The following SPRR5 variants were observed in gnomAD, a reference collection of about 807,000 sequenced individuals.
The protein encoded by SPRR5 is small proline rich protein 5.
chr1:152,948,001 C>T lies in SPRR5; in HGVS notation c.-18-536C>T, dbSNP rs556809311. ...GTGTGTGTCGGTACATACATACCTACGTATGCATGCATATTTTAAGTATGT... is the reference window on the plus strand; with the variant it reads ...GTGTGTGTCGGTACATACATACCTATGTATGCATGCATATTTTAAGTATGT... On this transcript the variant is annotated intron_variant, in intron 1 of 1. Coordinates refer to ENST00000636302, the Ensembl canonical transcript of SPRR5. Among the ~76,000 whole-genome samples the T allele has an allele frequency of 3.9e-5, 6 of 152,284 alleles. No homozygotes were observed. The South Asian group carries it at 6.2e-4, about 16-fold the overall frequency.
intron 1 of SPRR5, among the ~76,000 whole-genome samples, chr1:152,947,706 C>T (rs113812695): frequency 0.059 from 9,034 of 152,250 alleles, 341 homozygotes; most frequent in Non-Finnish European, 0.086. Flanking sequence ...CGATGTGGCA[C>T]CATGGAAGGC....
At chr1:152,947,723 C>G (rs544092884) in intron 1 of SPRR5, among the ~76,000 whole-genome samples, 45 of 152,298 alleles carry the variant, frequency 3.0e-4, no homozygotes, top group African/African-American at 1.1e-3. Flanking sequence ...AGGCTCTGCT[C>G]TGGGAATCAG....
chr1:152,948,376 A>C lies in SPRR5; in HGVS notation c.-18-161A>C, dbSNP rs926463102. Among the ~76,000 whole-genome samples, 4 of 142,358 alleles carry C rather than the reference A, an allele frequency of 2.8e-5. No homozygotes were observed. In the South Asian group the frequency reaches 8.4e-4, roughly 30 times the overall value. The allele number at this position is 142,358 out of a possible 152,430, so 93.4% of individuals were successfully genotyped here. ...ACTTGTAAACACTTAAAGTTTACAC[A>C]TGCGCGCGCGCACACACACACACAC... On this transcript the variant is annotated intron_variant, in intron 1 of 1. Transcript: ENST00000636302.
At chr1:152,948,142 C>G (rs935217357) in intron 1 of SPRR5, among the ~76,000 whole-genome samples, 13 of 152,184 alleles carry the variant, frequency 8.5e-5, no homozygotes, top group Non-Finnish European at 1.3e-4. Context: ...AGATCCCAGG[C>G]AATTTATTCC....
exon 2 of SPRR5, chr1:152,949,221 T>C (rs1424746897): frequency 1.3e-5 from 2 of 152,000 alleles, no homozygotes; most frequent in Non-Finnish European, 2.9e-5. Context: ...CCTCAGCTCC[T>C]GTTTTCAAAC....
chr1:152,947,464 G>A (rs956188721), intron 1 of SPRR5, among the ~76,000 whole-genome samples: 7 of 152,272 alleles, frequency 4.6e-5, no homozygotes, highest in African/African-American at 1.4e-4. Flanking sequence ...GAGAAGGAGG[G>A]GGGTATCTAC....
intron 1 of SPRR5, among the ~76,000 whole-genome samples, 155 bp from the exon 2 acceptor site, chr1:152,948,382 G>GCACACACACACACA (rs1004617547): frequency 9.2e-5 from 13 of 142,066 alleles, no homozygotes; most frequent in African/African-American, 4.0e-4. Flanking sequence ...ACACATGCGC[G>GCACACACACACACA]CGCGCACACA....
chr1:152,948,881 A>G (rs1651137806), exon 2 of SPRR5: 1 of 227,660 alleles, frequency 4.4e-6, no homozygotes, highest in Non-Finnish European at 8.5e-6. Context: ...AGCAGAAGTA[A>G]GCCCTGGGCA....
intron 1 of SPRR5, 61 bp downstream of exon 1, chr1:152,947,309 C>T (rs1651084677): frequency 6.6e-6 from 1 of 152,328 alleles, no homozygotes; most frequent in South Asian, 2.1e-4. Flanking sequence ...CCCTAACCAA[C>T]TATGGACTGG....
At chr1:152,947,900 C>T (rs1043437958) in intron 1 of SPRR5, among the ~76,000 whole-genome samples, 1 of 152,088 alleles carries the variant, frequency 6.6e-6, no homozygotes, top group African/African-American at 2.4e-5. Context: ...TAAGATGCGC[C>T]TTTTAAATTG....
At chr1:152,947,221 T>C (rs373019913) in exon 1 of SPRR5, 14 of 152,382 alleles carry the variant, frequency 9.2e-5, no homozygotes, top group African/African-American at 3.4e-4. Context: ...CCTCCACACC[T>C]ATCTGCTCCA....
chr1:152,948,987 A>C (rs947990382), exon 2 of SPRR5: 2 of 159,466 alleles, frequency 1.3e-5, no homozygotes, highest in African/African-American at 4.8e-5. Flanking sequence ...CCTGCTCACC[A>C]GTGCTTCTGG....
At chr1:152,948,154 G>C (rs778353222) in intron 1 of SPRR5, among the ~76,000 whole-genome samples, 1 of 152,104 alleles carries the variant, frequency 6.6e-6, no homozygotes, top group Non-Finnish European at 1.5e-5. Context: ...ATTTATTCCA[G>C]ATGCCACAGG....
chr1:152,948,510 C>T, intron 1 of SPRR5, 27 bp from the exon 2 acceptor site: 1 of 312,346 alleles, frequency 3.2e-6, no homozygotes, highest in Non-Finnish European at 5.9e-6. Context: ...TCAAGTGTTC[C>T]TCATTTCTGT....
chr1:152,948,953 T>G (rs1191835292), exon 2 of SPRR5: 1 of 185,108 alleles, frequency 5.4e-6, no homozygotes, highest in African/African-American at 2.4e-5. Flanking sequence ...GCCAGCATCT[T>G]ACACTCCACA....
chr1:152,948,401 C>T (rs1651117735), intron 1 of SPRR5, 136 bp from the exon 2 acceptor site: 2 of 199,894 alleles, frequency 1.0e-5, no homozygotes, highest in East Asian at 2.0e-4. Context: ...CACACACACA[C>T]ACTCCTCTTA....
chr1:152,948,921 C>G, exon 2 of SPRR5: 1 of 207,704 alleles, frequency 4.8e-6, no homozygotes, highest in East Asian at 9.9e-5. Flanking sequence ...CCAGGAAAAA[C>G]AGAGCATGAA....
chr1:152,947,451 A>G (rs1315132584), intron 1 of SPRR5, among the ~76,000 whole-genome samples: 1 of 152,148 alleles, frequency 6.6e-6, no homozygotes, highest in Non-Finnish European at 1.5e-5. Flanking sequence ...TGGGCTGAGC[A>G]GGGAGAAGGA....
exon 2 of SPRR5, chr1:152,949,087 G>T: frequency 6.5e-6 from 1 of 153,548 alleles, no homozygotes; most frequent in Non-Finnish European, 1.5e-5. Flanking sequence ...ATTAGCAGCT[G>T]CAGTTTCCAT....
Sources: gnomAD v4.1 joint callset for allele counts (sites outside exome capture counted in the v4.1 genomes callset) on GRCh38, gnomAD v4.1.1 for gene constraint, MANE v1.5 for transcripts, NCBI Gene and HGNC (gene_info 2026-07-23, HGNC 2026-07-21) for gene names.